Variants in RECQL5 observed in about 807,000 individuals in gnomAD.
RECQL5 encodes RecQ like helicase 5.
Under a neutral mutation model 103.4 loss-of-function variants are expected in RECQL5, and 88 were observed. The observed-to-expected ratio is 0.85, with a 90% confidence interval of 0.72 to 1.02. The LOEUF is 1.02. Ranked by LOEUF, RECQL5 falls within the 50% of genes least tolerant of loss-of-function variation. The pLI, the probability that RECQL5 is intolerant of heterozygous loss-of-function variation, is 0.00. For synonymous variants in RECQL5, 552 were observed against 507.9 expected (o/e 1.09, Z -1.17); for missense variants, 1,232 against 1,284.3 (o/e 0.96, Z 0.62).
chr17:75,640,824 GCTGCTGCTGCACTCA>G lies in RECQL5; in HGVS notation c.1230-9171_1230-9157del. On this transcript the variant is annotated intron_variant, in intron 8 of 19. Coordinates refer to ENST00000317905, the MANE Select transcript of RECQL5 (RefSeq NM_004259.7). The surrounding 1 kb of genome is among the most constrained non-coding windows in gnomAD (Gnocchi z 4.6). ...CTGCTGTTGCTGCTGATAGCCTGCA[GCTGCTGCTGCACTCA>G]CTGCTGCTGCCCTGAGCGGAGAGGC... The G allele has an allele frequency of 6.5e-7, 1 of 1,550,102 alleles. No individual in the cohort carries two copies. The highest frequency in any genetic ancestry group is 8.7e-7 in the Non-Finnish European group (1 of 1,146,932).
At chr17:75,653,790 T>TG (rs982745021) in intron 7 of RECQL5, among the ~76,000 whole-genome samples, 1 of 151,962 alleles carries the variant, frequency 6.6e-6, no homozygotes, top group African/African-American at 2.4e-5. Context: ...CCCAGTTACT[T>TG]GGGGGGCTGA....
intron 16 of RECQL5, 78 bp from the exon 17 acceptor site, chr17:75,628,840 C>T: frequency 6.3e-7 from 1 of 1,596,326 alleles, no homozygotes; most frequent in Non-Finnish European, 8.5e-7. Flanking sequence ...GAGAGCCCAT[C>T]TCAGGGGTGA....
intron 8 of RECQL5, chr17:75,633,733 T>C: frequency 9.1e-7 from 1 of 1,099,600 alleles, no homozygotes. Flanking sequence ...GCCCCAGACC[T>C]GAGAGCGCTG....
At chr17:75,631,383 G>T in intron 9 of RECQL5, 67 bp downstream of exon 9, 18 of 1,563,532 alleles carry the variant, frequency 1.2e-5, no homozygotes, top group Non-Finnish European at 1.4e-5. Flanking sequence ...CCTCTGGTCT[G>T]GCCCTGGCGC....
intron 2 of RECQL5, among the ~76,000 whole-genome samples, chr17:75,665,517 C>G (rs1344920721): frequency 2.0e-5 from 3 of 152,094 alleles, no homozygotes; most frequent in African/African-American, 7.2e-5. Flanking sequence ...TGGTGAAACT[C>G]TGTCTCTACT....
intron 6 of RECQL5, among the ~76,000 whole-genome samples, chr17:75,659,302 C>T (rs1301691212): frequency 3.9e-5 from 6 of 152,216 alleles, no homozygotes; most frequent in Non-Finnish European, 7.4e-5. Context: ...CCTCATGATC[C>T]GCCTGCCTCG....
chr17:75,647,175 C>T (rs1024119470), intron 8 of RECQL5, among the ~76,000 whole-genome samples: 3 of 152,172 alleles, frequency 2.0e-5, no homozygotes, highest in African/African-American at 4.8e-5. Context: ...GTATCTAGAG[C>T]GGGGGAAATG....
chr17:75,631,751 G>A (rs989739703), intron 8 of RECQL5, 83 bp from the exon 9 acceptor site: 9 of 1,412,642 alleles, frequency 6.4e-6, no homozygotes, highest in South Asian at 6.1e-5. Flanking sequence ...ATCGCTAGCT[G>A]AGCGAGCACT....
rs1217541117 is a variant in RECQL5 at position 75,630,625 on chromosome 17, G to GCTA, written c.1711_1712insTAG (p.Thr570_Ala571insVal). ...CAGTGATCGTGGAACTCACTCATCAGCGGTACGTGTTGACTGGCGGTTGCT... is the reference window on the plus strand; with the variant it reads ...CAGTGATCGTGGAACTCACTCATCAGCTACGGTACGTGTTGACTGGCGGTTGCT... On this transcript the variant is annotated inframe_insertion, in exon 13 of 20. Transcript: ENST00000317905. The GCTA allele has an allele frequency of 6.2e-7, 1 of 1,613,638 alleles. No homozygotes were observed. Among genetic ancestry groups the GCTA allele is most frequent in the South Asian group, 1.1e-5 (1 of 91,086 alleles).
chr17:75,649,728 G>A (rs746007390), intron 8 of RECQL5: 39 of 985,372 alleles, frequency 4.0e-5, no homozygotes, highest in Non-Finnish European at 4.6e-5. Flanking sequence ...TACCAGCAGC[G>A]TTTATTCCAG....
intron 8 of RECQL5, among the ~76,000 whole-genome samples, chr17:75,645,900 T>C (rs944097431): frequency 3.9e-5 from 6 of 152,118 alleles, no homozygotes; most frequent in Admixed American, 2.0e-4. Flanking sequence ...CCAGCTGGGA[T>C]AAGCACCCGA....
In RECQL5 at chr17:75,667,118, C is replaced by T; in HGVS notation, c.-89G>A. 1 of 512,838 alleles carries T rather than the reference C, an allele frequency of 1.9e-6. No individual in the cohort carries two copies. Among genetic ancestry groups the T allele is most frequent in the Admixed American group, 3.3e-5 (1 of 29,890 alleles). 31.8% of individuals were successfully genotyped at this position (512,838 alleles called of 1,614,324 possible). A position where few individuals can be genotyped will look rare whatever the true frequency, so the allele number is the denominator to read the frequency against. On this transcript the variant is annotated 5_prime_UTR_variant, in exon 1 of 20. It adds an upstream start codon to the 5' untranslated region. Transcript: ENST00000317905. ...GGAACTGTTCGAAGACCCCTATACACAACCCCAACTCAGAGAAGCCAAAGC... is the reference window on the plus strand; with the variant it reads ...GGAACTGTTCGAAGACCCCTATACATAACCCCAACTCAGAGAAGCCAAAGC...
intron 18 of RECQL5, 27 bp from the exon 19 acceptor site, chr17:75,627,719 A>C: frequency 6.3e-7 from 1 of 1,578,410 alleles, no homozygotes; most frequent in Non-Finnish European, 8.6e-7. Context: ...GAAGAGAAGC[A>C]GAGAGCAGGA....
rs1455186804 is a variant in RECQL5, at chr17:75,640,566, G to A, written c.1230-8898C>T. ...CCGGGATCCCAAACGCGGGGATGAC[G>A]GGAGCCAGGCTTGGGCAGTGAAAGA... is the stretch of plus-strand genomic sequence containing the variant. On this transcript the variant is annotated intron_variant, in intron 8 of 19. Transcript: ENST00000317905. The surrounding 1 kb of genome is among the most constrained non-coding windows in gnomAD (Gnocchi z 4.6). Among the ~76,000 whole-genome samples, 2 of 152,300 alleles carry A rather than the reference G, an allele frequency of 1.3e-5. No individual in the cohort carries two copies. Among genetic ancestry groups the A allele is most frequent in the South Asian group, 2.1e-4 (1 of 4,834 alleles).
At position 75,630,190 on chromosome 17, in the gene RECQL5, C is replaced by A; in HGVS notation, c.1806G>T (p.Leu602=). The A allele has an allele frequency of 6.5e-7, 1 of 1,550,176 alleles. No homozygotes were observed. The highest frequency in any genetic ancestry group is 8.7e-7 in the Non-Finnish European group (1 of 1,146,136). The change falls in exon 14 of 20, where the codon CTG becomes CTT. Residue 602 remains leucine, a synonymous_variant. Transcript: ENST00000317905. The part of the protein sequence containing the change: ...KVANLYKASV[L]KKVADIHRAS... The stretch of plus-strand genomic sequence containing the variant: ...CCGCCTGCACCAGGCCCACCTTCTT[C>A]AGCACGCTGGCCTTGTAGAGGTTGG...
intron 17 of RECQL5, 66 bp from the exon 18 acceptor site, chr17:75,628,508 G>T: frequency 6.4e-7 from 1 of 1,565,186 alleles, no homozygotes; most frequent in South Asian, 1.1e-5. Context: ...CCCTCCTCCA[G>T]AAGACTGGGT....
Position 75,660,983 on chromosome 17 carries a change from CA to C in RECQL5, c.957del (p.Phe319LeufsTer56), listed in dbSNP as rs763907852. On this transcript the variant is annotated frameshift_variant, in exon 6 of 20. Transcript: ENST00000317905. LOFTEE classifies it high-confidence loss of function. ...KVPVIVATIS[F>X]GMGVDKANVR... is the part of the protein sequence containing the mutation. Reference sequence around the variant, plus strand: ...ACATTGGCTTTATCCACTCCCATCCCAAAACTAATGGTTGCAACAATTACAG... The same window carrying C: ...ACATTGGCTTTATCCACTCCCATCCCAAACTAATGGTTGCAACAATTACAG... 15 of 1,614,060 alleles carry C rather than the reference CA, an allele frequency of 9.3e-6. No individual in the cohort carries two copies. In the African/African-American group the frequency reaches 1.9e-4, roughly 20 times the overall value.
Position 75,640,643 on chromosome 17 carries a change from C to T in RECQL5, c.1230-8975G>A, listed in dbSNP as rs576663953. The T allele has an allele frequency of 3.4e-5, 49 of 1,449,104 alleles. No individual in the cohort carries two copies. The highest frequency in any genetic ancestry group is 2.5e-4 in the Middle Eastern group (1 of 3,970). The allele number at this position is 1,449,104 out of a possible 1,614,324, so 89.8% of individuals were successfully genotyped here. ...CCTGGCGGCTGGCATGGGGACCGTCCGCACCTCTCACCAGCCTCTCGGATC... is the reference window on the plus strand; with the variant it reads ...CCTGGCGGCTGGCATGGGGACCGTCTGCACCTCTCACCAGCCTCTCGGATC... On this transcript the variant is annotated intron_variant, in intron 8 of 19. Coordinates refer to ENST00000317905, the MANE Select transcript of RECQL5 (RefSeq NM_004259.7). This position sits in a 1 kb window ranked among gnomAD's most constrained non-coding sequence, Gnocchi z 4.6.
At chr17:75,628,892 C>A in intron 16 of RECQL5, 42 bp downstream of exon 16, 1 of 1,582,184 alleles carries the variant, frequency 6.3e-7, no homozygotes, top group Non-Finnish European at 8.5e-7. Context: ...GGGATGCTGC[C>A]GTGTAGGTTC....
Sources: gnomAD v4.1 joint callset for allele counts (sites outside exome capture counted in the v4.1 genomes callset) on GRCh38, gnomAD v4.1.1 for gene constraint, Gnocchi (gnomAD v3.1) non-coding constraint, MANE v1.5 for transcripts, NCBI Gene and HGNC (gene_info 2026-07-23, HGNC 2026-07-21) for gene names.